The following KANSL1L variants were observed in gnomAD, a reference collection of about 807,000 sequenced individuals.
The protein encoded by KANSL1L is KAT8 regulatory NSL complex subunit 1 like.
In KANSL1L, 25 loss-of-function variants were observed where a neutral mutation model predicts 108.6. The observed-to-expected ratio is 0.23, with a 90% CI of 0.17 to 0.32. The LOEUF (loss-of-function observed/expected upper bound fraction) is 0.32. KANSL1L is among the 10% of genes least tolerant of loss of function. KANSL1L has a pLI of 1.00. For missense variants in KANSL1L, 1,137 were observed against 1,125.7 expected (o/e 1.01, Z -0.14); for synonymous variants, 405 against 395.1 (o/e 1.03, Z -0.30).
rs189856760 is a variant in KANSL1L at position 210,067,884 on chromosome 2, T to C, written c.1755+7668A>G. Among the ~76,000 whole-genome samples, 636 of 152,156 alleles carry C rather than the reference T, an allele frequency of 4.2e-3. 6 individuals carry two copies. Among genetic ancestry groups the C allele is most frequent in the Non-Finnish European group, 5.2e-3 (352 of 67,996 alleles). ...ATATTTTTATTTTATTTTATTTTTA[T>C]TTATTTATTTAGAGATGGAGTCTTG... On this transcript the variant is annotated intron_variant, in intron 6 of 14. Transcript: ENST00000281772.
At chr2:210,172,404 G>C (rs1268838408), upstream of KANSL1L, among the ~76,000 whole-genome samples, 2 of 152,210 alleles carry the variant, frequency 1.3e-5, no homozygotes, top group African/African-American at 4.8e-5. Flanking sequence ...GGGCGGAAGA[G>C]GGGAGAAATC....
At chr2:210,048,573 A>G (rs1010369949) in intron 6 of KANSL1L, among the ~76,000 whole-genome samples, 8 of 151,746 alleles carry the variant, frequency 5.3e-5, no homozygotes, top group African/African-American at 7.3e-5. Flanking sequence ...ATATGTGTGT[A>G]TATATATATA....
chr2:210,098,590 T>C (rs1232921737), intron 4 of KANSL1L, among the ~76,000 whole-genome samples: 1 of 152,058 alleles, frequency 6.6e-6, no homozygotes, highest in Admixed American at 6.6e-5. Context: ...GCACCACACA[T>C]AGAATATTTC....
Position 210,104,300 on chromosome 2 carries a change from C to T in KANSL1L, c.1232G>A (p.Gly411Glu). 1 of 1,608,926 alleles carries T rather than the reference C, an allele frequency of 6.2e-7. No homozygotes were observed. Among genetic ancestry groups the T allele is most frequent in the Non-Finnish European group, 8.5e-7 (1 of 1,176,500 alleles). Residue 411 changes from glycine (G) to glutamate (E), a missense_variant and splice_region_variant, in exon 4 of 15, where the codon GGG (glycine) becomes GAG (glutamate). Transcript: ENST00000281772. ...CTGACATTCTTCTAGGACCACTATC[C>T]CCTAGACAAAAAACAATGAGAAAGT... is the stretch of plus-strand genomic sequence containing the variant. ...DIHRQIRASK[G>E]IVVLEECQLP...
intron 1 of KANSL1L, among the ~76,000 whole-genome samples, chr2:210,162,221 G>GATAT (rs1559617787): frequency 1.0e-4 from 1 of 9,944 alleles, no homozygotes; most frequent in Non-Finnish European, 2.5e-4. Context: ...TAGTGGTTCA[G>GATAT]GTATATATAT....
At position 210,022,437 on chromosome 2, in the gene KANSL1L, A is replaced by G. The variant is rs1391614158; in HGVS notation, c.*512T>C. 6.5e-6 allele frequency: 1 copy of G among 154,052 alleles called. No individual in the cohort carries two copies. The highest frequency in any genetic ancestry group is 2.4e-5 in the African/African-American group (1 of 41,400). The allele number at this position is 154,052 out of a possible 1,614,324, so 9.5% of individuals were successfully genotyped here. ...AGGGTAGTTCATACATGCATTTCCA[A>G]GGGGAGTGGGTCATTGCCAGTGTTT... is the stretch of plus-strand genomic sequence containing the variant. On this transcript the variant is annotated 3_prime_UTR_variant, in exon 15 of 15. Coordinates refer to ENST00000281772, the MANE Select transcript of KANSL1L (RefSeq NM_152519.4).
chr2:210,139,818 T>G (rs2095211934), intron 2 of KANSL1L, among the ~76,000 whole-genome samples: 1 of 151,104 alleles, frequency 6.6e-6, no homozygotes, highest in Non-Finnish European at 1.5e-5. Flanking sequence ...CTTGGCTCAC[T>G]GCAACCTCAA....
intron 6 of KANSL1L, among the ~76,000 whole-genome samples, chr2:210,051,291 C>G (rs181505434): frequency 5.8e-4 from 88 of 152,118 alleles, no homozygotes; most frequent in Non-Finnish European, 9.3e-4. Flanking sequence ...TGTTAAGTTT[C>G]CAAAATAGAC....
rs574639953 is a variant in KANSL1L, at chr2:210,028,264, C to A, written c.2396+581G>T. Reference sequence around the variant, plus strand: ...CAAAACAGTATCTGGCTAAGCCTTACACACTTGTCCTGTGCCTTTGTTGTC... The same window carrying A: ...CAAAACAGTATCTGGCTAAGCCTTAAACACTTGTCCTGTGCCTTTGTTGTC... On this transcript the variant is annotated intron_variant, in intron 11 of 14. Transcript: ENST00000281772. Among the ~76,000 whole-genome samples, 7 of 152,278 alleles carry A rather than the reference C, an allele frequency of 4.6e-5. No homozygotes were observed. The South Asian group carries it at 1.2e-3, about 27-fold the overall frequency.
chr2:210,093,542 TC>T (rs1288823946), intron 5 of KANSL1L, among the ~76,000 whole-genome samples: 1 of 152,130 alleles, frequency 6.6e-6, no homozygotes, highest in African/African-American at 2.4e-5. Flanking sequence ...CCAAAAGATA[TC>T]AAAACTTCAA....
At chr2:210,141,177 T>C (rs1047163935) in intron 2 of KANSL1L, among the ~76,000 whole-genome samples, 1 of 148,438 alleles carries the variant, frequency 6.7e-6, no homozygotes, top group Admixed American at 6.7e-5. Context: ...TTCTTTCTTT[T>C]CTTTCTCTCC....
At chr2:210,036,053 A>G (rs2094098875) in intron 8 of KANSL1L, among the ~76,000 whole-genome samples, 2 of 152,170 alleles carry the variant, frequency 1.3e-5, no homozygotes, top group Admixed American at 6.5e-5. Flanking sequence ...GTAAATTCCA[A>G]TTAAGTAGTC....
At chr2:210,054,991 A>G (rs1197413456) in intron 6 of KANSL1L, among the ~76,000 whole-genome samples, 1 of 152,210 alleles carries the variant, frequency 6.6e-6, no homozygotes, top group African/African-American at 2.4e-5. Flanking sequence ...TTGTGTTTCT[A>G]TGTATCAGTG....
At chr2:210,126,199 A>C (rs1315348604) in intron 3 of KANSL1L, among the ~76,000 whole-genome samples, 1 of 152,228 alleles carries the variant, frequency 6.6e-6, no homozygotes, top group Non-Finnish European at 1.5e-5. Flanking sequence ...TCACAAAAAC[A>C]ATTCCACTTA....
At chr2:210,118,345 G>A (rs753722593) in intron 3 of KANSL1L, among the ~76,000 whole-genome samples, 6 of 151,246 alleles carry the variant, frequency 4.0e-5, no homozygotes, top group Non-Finnish European at 7.4e-5. Context: ...GTACATGCCA[G>A]TAATCCCAGC....
intron 1 of KANSL1L, among the ~76,000 whole-genome samples, chr2:210,160,077 A>G (rs777976567): frequency 1.3e-5 from 2 of 152,192 alleles, no homozygotes; most frequent in Non-Finnish European, 2.9e-5. Flanking sequence ...ATATCAATAG[A>G]CTAAAGAGAA....
intron 5 of KANSL1L, among the ~76,000 whole-genome samples, chr2:210,086,775 C>T (rs1279387495): frequency 6.6e-6 from 1 of 151,768 alleles, no homozygotes; most frequent in African/African-American, 2.4e-5. Flanking sequence ...TGAGGCTAAC[C>T]TTTAAAAATT....
At chr2:210,107,338 C>T (rs1364198906) in intron 3 of KANSL1L, among the ~76,000 whole-genome samples, 2 of 151,712 alleles carry the variant, frequency 1.3e-5, no homozygotes, top group African/African-American at 4.8e-5. Context: ...TTGATATAGC[C>T]AGTGTTCTCC....
chr2:210,136,157 A>C (rs2095172088), intron 2 of KANSL1L, among the ~76,000 whole-genome samples: 1 of 152,170 alleles, frequency 6.6e-6, no homozygotes, highest in African/African-American at 2.4e-5. Flanking sequence ...ATCTTATGCA[A>C]TTCTGCCTAG....
Sources: gnomAD v4.1 joint callset for allele counts (sites outside exome capture counted in the v4.1 genomes callset) on GRCh38, gnomAD v4.1.1 for gene constraint, MANE v1.5 for transcripts, NCBI Gene and HGNC (gene_info 2026-07-23, HGNC 2026-07-21) for gene names.